The following NCOA2 variants were observed in gnomAD, a reference collection of about 807,000 sequenced individuals.
NCOA2 encodes the protein class E basic helix-loop-helix protein 75.
In NCOA2, 21 loss-of-function variants were observed where a neutral mutation model predicts 145.1. The ratio of observed to expected loss-of-function variants is 0.14; its 90% CI spans 0.10 to 0.21. The LOEUF is 0.21. Among genes scored for constraint, NCOA2 ranks in the 10% least tolerant of loss-of-function variants. The probability of loss-of-function intolerance (pLI) is 1.00; values close to 1 mark genes in which losing one functional copy is unlikely to be tolerated. For missense variants in NCOA2, 1,472 were observed against 1,837.6 expected (o/e 0.80, Z 3.64); for synonymous variants, 619 against 637.5 (o/e 0.97, Z 0.44).
chr8:70,368,116 T>C (rs1055858734), intron 1 of NCOA2, among the ~76,000 whole-genome samples: 2 of 152,374 alleles, frequency 1.3e-5, no homozygotes, highest in African/African-American at 4.8e-5. Context: ...ACAGCTTTTA[T>C]ACTCAAAGCT....
At chr8:70,242,745 C>A (rs1442698671) in intron 2 of NCOA2, among the ~76,000 whole-genome samples, 1 of 151,988 alleles carries the variant, frequency 6.6e-6, no homozygotes, top group African/African-American at 2.4e-5. Context: ...AAACTTTTAC[C>A]TTCTCAAAAA....
At chr8:70,224,132 C>T (rs543155331) in intron 2 of NCOA2, among the ~76,000 whole-genome samples, 3 of 152,318 alleles carry the variant, frequency 2.0e-5, no homozygotes, top group South Asian at 4.1e-4. Flanking sequence ...CCTCCTGCAG[C>T]TCACATTCCA....
intron 11 of NCOA2, 45 bp from the exon 12 acceptor site, chr8:70,148,528 T>C (rs773560162): frequency 3.2e-6 from 5 of 1,573,898 alleles, no homozygotes; most frequent in South Asian, 1.1e-5. Context: ...ACTCTAAGAG[T>C]AGACACCACA....
intron 7 of NCOA2, among the ~76,000 whole-genome samples, chr8:70,165,421 T>G (rs755397317): frequency 6.6e-6 from 1 of 152,246 alleles, no homozygotes; most frequent in Non-Finnish European, 1.5e-5. Flanking sequence ...CCAAGGATTC[T>G]GTCCAAAGTC....
At chr8:70,402,934 G>T (rs960313407) in intron 1 of NCOA2, among the ~76,000 whole-genome samples, 38 of 37,816 alleles carry the variant, frequency 1.0e-3, no homozygotes, top group African/African-American at 3.9e-3. Flanking sequence ...CGCCCGCCCC[G>T]CCCGCCGCAG....
intron 4 of NCOA2, among the ~76,000 whole-genome samples, chr8:70,183,586 C>T (rs913738681): frequency 6.6e-6 from 1 of 152,160 alleles, no homozygotes; most frequent in South Asian, 2.1e-4. Context: ...ATCTGTCTCC[C>T]CCCAAATGCA....
intron 1 of NCOA2, among the ~76,000 whole-genome samples, chr8:70,344,521 ACT>A (rs1478933127): frequency 6.6e-6 from 1 of 152,244 alleles, no homozygotes; most frequent in Non-Finnish European, 1.5e-5. Context: ...TTAATAACAA[ACT>A]CTCTAGATTT....
At chr8:70,272,156 A>C (rs1439060608) in intron 2 of NCOA2, among the ~76,000 whole-genome samples, 1 of 152,254 alleles carries the variant, frequency 6.6e-6, no homozygotes, top group Non-Finnish European at 1.5e-5. Flanking sequence ...AACTTGGCAG[A>C]AACTGTGGGA....
the NCOA2 span, among the ~76,000 whole-genome samples, chr8:70,453,216 G>C: frequency 6.6e-6 from 1 of 152,158 alleles, no homozygotes; most frequent in African/African-American, 2.4e-5. Flanking sequence ...AACTTTTGTG[G>C]CAAGACTTCC....
intron 4 of NCOA2, among the ~76,000 whole-genome samples, chr8:70,201,674 G>A (rs1310830265): frequency 6.6e-6 from 1 of 152,212 alleles, no homozygotes; most frequent in Non-Finnish European, 1.5e-5. Flanking sequence ...AGAACTGGAA[G>A]TGAGTGCCTC....
intron 1 of NCOA2, among the ~76,000 whole-genome samples, chr8:70,329,619 T>C (rs12543871): frequency 1.2e-4 from 19 of 152,236 alleles, no homozygotes; most frequent in Admixed American, 9.8e-4. Context: ...AATAGGAATG[T>C]TCACAGCAGC....
intron 2 of NCOA2, among the ~76,000 whole-genome samples, chr8:70,251,162 T>G (rs993216892): frequency 6.6e-6 from 1 of 152,128 alleles, no homozygotes; most frequent in Non-Finnish European, 1.5e-5. Context: ...TTTTTTTTCT[T>G]GATGTGTAGG....
At position 70,326,560 on chromosome 8, in the gene NCOA2, AGGG is replaced by A. The variant is rs1485661148; in HGVS notation, c.-76-29763_-76-29761del. Among the ~76,000 whole-genome samples the A allele has an allele frequency of 2.0e-5, 3 of 152,194 alleles. No individual in the cohort carries two copies. The East Asian group carries it at 5.8e-4, about 29-fold the overall frequency. ...CATGTCTTTCATAAAATATAAAACA[AGGG>A]GGGTTCACATGAGGAAAACTGATAG... On this transcript the variant is annotated intron_variant, in intron 1 of 22. Transcript: ENST00000452400.
At chr8:70,161,486 A>G (rs1350653616) in intron 9 of NCOA2, among the ~76,000 whole-genome samples, 3 of 152,310 alleles carry the variant, frequency 2.0e-5, no homozygotes, top group Middle Eastern at 3.4e-3. Context: ...ACTTATTTCT[A>G]AAAAATAGGA....
At chr8:70,386,195 T>C (rs1399434301) in intron 1 of NCOA2, among the ~76,000 whole-genome samples, 1 of 152,222 alleles carries the variant, frequency 6.6e-6, no homozygotes, top group Non-Finnish European at 1.5e-5. Context: ...TCTTTAAAAT[T>C]ACAAACAGAT....
intron 16 of NCOA2, 22 bp downstream of exon 16, chr8:70,131,815 C>T (rs367817536): frequency 3.2e-6 from 5 of 1,570,400 alleles, no homozygotes; most frequent in Non-Finnish European, 4.3e-6. Context: ...TTGGCCCCCA[C>T]CTGCTGCCCT....
intron 2 of NCOA2, among the ~76,000 whole-genome samples, chr8:70,244,524 C>T (rs1002529468): frequency 2.0e-5 from 3 of 151,958 alleles, no homozygotes; most frequent in Non-Finnish European, 4.4e-5. Context: ...GAATCAAGGC[C>T]TCCACCAAAA....
rs181321372 is a variant in NCOA2, at chr8:70,328,827, T to A, written c.-76-32027A>T. Among the ~76,000 whole-genome samples, 5 of 152,284 alleles carry A rather than the reference T, an allele frequency of 3.3e-5. No homozygotes were observed. The East Asian group carries it at 7.7e-4, about 23-fold the overall frequency. The stretch of plus-strand genomic sequence containing the variant: ...GGACAATACCAACAAGTAATGAGGA[T>A]GCAGAGCAACTAGAACTTCCACAAC... On this transcript the variant is annotated intron_variant, in intron 1 of 22. Transcript: ENST00000452400.
intron 1 of NCOA2, among the ~76,000 whole-genome samples, chr8:70,344,627 A>G (rs1261794227): frequency 6.6e-6 from 1 of 152,158 alleles, no homozygotes; most frequent in East Asian, 1.9e-4. Context: ...ATGAGACTCT[A>G]TTCTGTGAAG....
Sources: gnomAD v4.1 joint callset for allele counts (sites outside exome capture counted in the v4.1 genomes callset) on GRCh38, gnomAD v4.1.1 for gene constraint, MANE v1.5 for transcripts, NCBI Gene and HGNC (gene_info 2026-07-23, HGNC 2026-07-21) for gene names.